CAMTA2: variants seen among roughly 807,000 people sequenced by gnomAD.
CAMTA2 encodes the protein calmodulin-binding transcription activator 2.
CAMTA2 carries 56 observed loss-of-function variants against 135.7 expected under a neutral mutation model. The ratio of observed to expected loss-of-function variants is 0.41; its 90% CI spans 0.33 to 0.52. CAMTA2 has a LOEUF of 0.52. CAMTA2 is among the 20% of genes least tolerant of loss of function. The pLI is 0.16. For missense variants in CAMTA2, 1,358 were observed against 1,553.4 expected, an observed-to-expected ratio of 0.87 and a Z score of 2.11; for synonymous variants, 591 against 604.6, an observed-to-expected ratio of 0.98 and a Z score of 0.33.
chr17:4,981,754 A>G lies in CAMTA2; in HGVS notation c.489T>C (p.Phe163=). Reference sequence around the variant, plus strand: ...CTCGACGGTCGCTGCTGATGGAACAAAAGATGGGGCTGCAGCCCTTTCCAC... The same window carrying G: ...CTCGACGGTCGCTGCTGATGGAACAGAAGATGGGGCTGCAGCCCTTTCCAC... The part of the protein sequence containing the change: ...EDCGKGCSPI[F]CSISSDRREW... Residue 163 remains phenylalanine, a synonymous_variant, in exon 7 of 23, where the codon TTT becomes TTC. Transcript: ENST00000348066. 10 of 1,613,676 alleles carry G rather than the reference A, an allele frequency of 6.2e-6. No individual in the cohort carries two copies. Among genetic ancestry groups the G allele is most frequent in the Non-Finnish European group, 8.5e-6 (10 of 1,179,800 alleles).
At chr17:4,978,706 T>C in intron 9 of CAMTA2, 76 bp from the exon 10 acceptor site, 1 of 1,522,418 alleles carries the variant, frequency 6.6e-7, no homozygotes, top group Non-Finnish European at 9.0e-7. Context: ...TTCAGACCCT[T>C]ACAGGGTATC....
chr17:4,974,963 A>G (rs1972526357), intron 11 of CAMTA2, among the ~76,000 whole-genome samples: 1 of 152,194 alleles, frequency 6.6e-6, no homozygotes, highest in Non-Finnish European at 1.5e-5. Flanking sequence ...CTGTGATTTG[A>G]AAAGTACCTC....
chr17:4,968,619 G>A lies in CAMTA2; in HGVS notation c.*137C>T. Reference sequence around the variant, plus strand: ...GTGTGGGAGCAAGGCGTGGGGAGGAGGGAGGAGGCCTACAGAGGGCTCCAA... The same window carrying A: ...GTGTGGGAGCAAGGCGTGGGGAGGAAGGAGGAGGCCTACAGAGGGCTCCAA... On this transcript the variant is annotated 3_prime_UTR_variant, in exon 23 of 23. Transcript: ENST00000348066. 1.2e-6 allele frequency: 1 copy of A among 863,570 alleles called. No homozygotes were observed. The highest frequency in any genetic ancestry group is 1.9e-6 in the Non-Finnish European group (1 of 537,284). 53.5% of individuals were successfully genotyped at this position (863,570 alleles called of 1,614,324 possible).
chr17:4,982,053 G>A, intron 6 of CAMTA2, 36 bp downstream of exon 6: 5 of 1,529,662 alleles, frequency 3.3e-6, no homozygotes, highest in Non-Finnish European at 4.5e-6. Flanking sequence ...CAAAGAGTCA[G>A]GAAGAGGGTG....
rs377012750 is a variant in CAMTA2, at chr17:4,973,021, G to C, written c.2281-30C>G. On this transcript the variant is annotated intron_variant, in intron 14 of 22. Transcript: ENST00000348066. ...GGAAGGGGGCGGGACAGGCGGAGAC[G>C]GAGGTGGAGGTGAGGCCAGGGGCTC... The C allele has an allele frequency of 4.4e-6, 7 of 1,584,978 alleles. No homozygotes were observed. In the East Asian group the frequency reaches 1.3e-4, roughly 30 times the overall value.
chr17:4,982,939 A>G, intron 4 of CAMTA2, 37 bp downstream of exon 4: 1 of 1,613,580 alleles, frequency 6.2e-7, no homozygotes, highest in Non-Finnish European at 8.5e-7. Flanking sequence ...AGAACCCAGG[A>G]CCCCTGCCAC....
At chr17:4,972,590 T>C in intron 15 of CAMTA2, 54 bp from the exon 16 acceptor site, 3 of 1,554,048 alleles carry the variant, frequency 1.9e-6, no homozygotes, top group South Asian at 1.1e-5. Flanking sequence ...CATCCCTCGC[T>C]CAAGTCTCCT....
chr17:4,985,950 T>C lies in CAMTA2; in HGVS notation c.65A>G (p.Lys22Arg), dbSNP rs370620775. ...GCGAGGAAGACACTCCAGCAGCTTCTTGGGGAGAAAGATCTTCAGGTGGTG... is the reference window on the plus strand; with the variant it reads ...GCGAGGAAGACACTCCAGCAGCTTCCTGGGGAGAAAGATCTTCAGGTGGTG... ...NSHHLKIFLP[K>R]KLLECLPRCP... is the part of the protein sequence containing the mutation. The change falls in exon 3 of 23, where the codon AAG becomes AGG. Residue 22 changes from lysine to arginine, a missense_variant. Lys to Arg is a conservative substitution (Grantham distance 26). Around this residue, in one of 4 missense-constraint regions of CAMTA2, gnomAD observed 105 missense variants for 190.9 expected, o/e 0.55. Coordinates refer to ENST00000348066, the MANE Select transcript of CAMTA2 (RefSeq NM_015099.4). The C allele has an allele frequency of 1.1e-5, 17 of 1,613,924 alleles. No individual in the cohort carries two copies. The East Asian group carries it at 1.1e-4, about 11-fold the overall frequency.
intron 9 of CAMTA2, 148 bp downstream of exon 9, chr17:4,979,536 G>GATTA: frequency 2.2e-6 from 1 of 456,576 alleles, no homozygotes; most frequent in Non-Finnish European, 3.9e-6. Context: ...AAAAGAGAGA[G>GATTA]ATTAGGTAGA....
intron 6 of CAMTA2, 86 bp from the exon 7 acceptor site, chr17:4,981,917 C>A: frequency 7.1e-7 from 1 of 1,400,600 alleles, no homozygotes; most frequent in East Asian, 2.3e-5. Flanking sequence ...TCCTGGGCAC[C>A]CTCCTAACCT....
chr17:4,972,273 G>A lies in CAMTA2; in HGVS notation c.2767C>T (p.Pro923Ser). ...GCCTGTGGGCTGTCAGCGTCCTCTG[G>A]AGCAGCCCCATCATCTGAAGCTGGT... ...LPPASDDGAA[P>S]EDADSPQAVD... Residue 923 changes from proline (P) to serine (S), a missense_variant, in exon 16 of 23, where the codon CCA (proline) becomes TCA (serine). Coordinates refer to ENST00000348066, the MANE Select transcript of CAMTA2 (RefSeq NM_015099.4). 6.2e-7 allele frequency: 1 copy of A among 1,614,018 alleles called. No homozygotes were observed. Among genetic ancestry groups the A allele is most frequent in the Non-Finnish European group, 8.5e-7 (1 of 1,179,980 alleles).
At position 4,981,225 on chromosome 17, in the gene CAMTA2, C is replaced by T. The variant is rs780949798; in HGVS notation, c.700G>A (p.Gly234Ser). Residue 234 changes from glycine (G) to serine (S), a missense_variant and splice_region_variant, in exon 8 of 23, where the codon GGT (glycine) becomes AGT (serine). By Grantham distance (56) the Gly-to-Ser change is moderately conservative. Coordinates refer to ENST00000348066, the MANE Select transcript of CAMTA2 (RefSeq NM_015099.4). Reference protein sequence around the residue: ...THACLCSGGLGSGSLTHKCSS... With the variant: ...THACLCSGGLSSGSLTHKCSS... ...GCCAAAAGGTCAGGGAGTAACTTAC[C>T]AAGCCCCCCACTGCAGAGACAGGCG... The T allele has an allele frequency of 1.4e-5, 23 of 1,613,114 alleles. No individual in the cohort carries two copies. The highest frequency in any genetic ancestry group is 1.2e-4 in the African/African-American group (9 of 74,898).
Position 4,982,740 on chromosome 17 carries a change from A to G in CAMTA2, c.339+17T>C, listed in dbSNP as rs1567698281. 1 of 1,613,632 alleles carries G rather than the reference A, an allele frequency of 6.2e-7. No individual in the cohort carries two copies. Among genetic ancestry groups the G allele is most frequent in the East Asian group, 2.2e-5 (1 of 44,878 alleles). ...GGGCAGGCTCGGGAAGATGAGCTGA[A>G]TATCTGACTCTCTTACCTCCATGCC... On this transcript the variant is annotated intron_variant, in intron 5 of 22. Coordinates refer to ENST00000348066, the MANE Select transcript of CAMTA2 (RefSeq NM_015099.4).
Position 4,987,634 on chromosome 17 carries a change from C to G in CAMTA2, c.-106G>C. The G allele has an allele frequency of 6.6e-7, 1 of 1,525,522 alleles. No individual in the cohort carries two copies. The highest frequency in any genetic ancestry group is 8.8e-7 in the Non-Finnish European group (1 of 1,141,840). 94.5% of individuals were successfully genotyped at this position (1,525,522 alleles called of 1,614,324 possible). On this transcript the variant is annotated 5_prime_UTR_variant, in exon 1 of 23. Transcript: ENST00000348066. ...GGTGACGGCGGCAGCGGCCATTCTA[C>G]CCCACACCGACCCCCCCCAGCGCCG...
intron 12 of CAMTA2, 100 bp from the exon 13 acceptor site, chr17:4,973,869 G>GC (rs897749928): frequency 9.3e-6 from 10 of 1,070,000 alleles, no homozygotes; most frequent in Non-Finnish European, 1.3e-5. Context: ...TTCTAATTTT[G>GC]CCCCCTCCCC....
intron 17 of CAMTA2, 21 bp from the exon 18 acceptor site, chr17:4,970,106 G>C (rs1374058778): frequency 6.8e-6 from 11 of 1,610,452 alleles, no homozygotes; most frequent in Non-Finnish European, 8.5e-6. Context: ...TAGGGAAAGA[G>C]GGTGTCATGA....
In CAMTA2 at chr17:4,968,828, A is replaced by G; in HGVS notation, c.3546-9T>C. 6.2e-7 allele frequency: 1 copy of G among 1,613,814 alleles called. No homozygotes were observed. Among genetic ancestry groups the G allele is most frequent in the Non-Finnish European group, 8.5e-7 (1 of 1,179,710 alleles). The stretch of plus-strand genomic sequence containing the variant: ...GCTTCAGTTCCCTCATCCTGCAGAG[A>G]GAAAGATAGGAGTCAGAGGAGACTG... On this transcript the variant is annotated splice_polypyrimidine_tract_variant and intron_variant, in intron 22 of 22. Transcript: ENST00000348066.
intron 10 of CAMTA2, among the ~76,000 whole-genome samples, chr17:4,978,236 A>G (rs1046445056): frequency 6.6e-6 from 1 of 152,216 alleles, no homozygotes; most frequent in African/African-American, 2.4e-5. Flanking sequence ...AGAGGAGGCC[A>G]AGGACCTCAG....
Position 4,968,695 on chromosome 17 carries a change from C to G in CAMTA2, c.*61G>C. ...CAGGGGCTCCCCCTGCCCCAGAAAG[C>G]CCTCTCCCTGTTAAGACTGCACGAG... On this transcript the variant is annotated 3_prime_UTR_variant, in exon 23 of 23. Coordinates refer to ENST00000348066, the MANE Select transcript of CAMTA2 (RefSeq NM_015099.4). 1.9e-6 allele frequency: 3 copies of G among 1,600,092 alleles called. No individual in the cohort carries two copies. Among genetic ancestry groups the G allele is most frequent in the Non-Finnish European group, 2.6e-6 (3 of 1,170,034 alleles).
Sources: gnomAD v4.1 joint callset for allele counts (sites outside exome capture counted in the v4.1 genomes callset) on GRCh38, gnomAD v4.1.1 for gene constraint, gnomAD v4.1.1 regional missense constraint, MANE v1.5 for transcripts, NCBI Gene and HGNC (gene_info 2026-07-23, HGNC 2026-07-21) for gene names.